The following WDPCP variants were observed in gnomAD, a reference collection of about 807,000 sequenced individuals.
WDPCP encodes the protein WD repeat containing planar cell polarity effector.
In WDPCP, 71 loss-of-function variants were observed where a neutral mutation model predicts 93.1. That is an observed-to-expected ratio of 0.76 (90% confidence interval 0.63 to 0.93). The LOEUF (loss-of-function observed/expected upper bound fraction) is 0.93. Among genes scored for constraint, WDPCP ranks in the 40% least tolerant of loss-of-function variants. WDPCP has a pLI of 0.00. For synonymous variants in WDPCP, 315 were observed against 315.0 expected (o/e 1.00, Z 0.00); for missense variants, 844 against 887.4 (o/e 0.95, Z 0.62).
chr2:63,299,391 G>A (rs1685154770), intron 13 of WDPCP, among the ~76,000 whole-genome samples: 1 of 152,156 alleles, frequency 6.6e-6, no homozygotes, highest in South Asian at 2.1e-4. Flanking sequence ...TACCAGGCCT[G>A]GTTAGGAATT....
intron 1 of WDPCP, among the ~76,000 whole-genome samples, chr2:63,565,959 TC>T (rs1707014193): frequency 6.6e-6 from 1 of 152,206 alleles, no homozygotes; most frequent in African/African-American, 2.4e-5. Context: ...ACCATCATCT[TC>T]TACCTCAACA....
intron 6 of WDPCP, among the ~76,000 whole-genome samples, chr2:63,476,703 T>C (rs992476431): frequency 1.1e-4 from 17 of 152,200 alleles, no homozygotes; most frequent in African/African-American, 4.1e-4. Context: ...GAGTTTTGTA[T>C]AAATAATAAG....
intron 6 of WDPCP, among the ~76,000 whole-genome samples, chr2:63,467,271 G>C (rs1172203338): frequency 1.3e-5 from 2 of 151,496 alleles, no homozygotes; most frequent in African/African-American, 4.9e-5. Context: ...CCTGAGGTCA[G>C]GAGTTTGAGA....
rs531449446 is a variant in WDPCP, at chr2:63,182,774, C to CTTT, written c.1916-7945_1916-7943dup. ...GGCTGTGAATCCATTTGGCCCTGGA[C>CTTT]TTTTTTTTTTTTTTTTTTTCCTTAG... On this transcript the variant is annotated intron_variant, in intron 14 of 17. Coordinates refer to ENST00000272321, the MANE Select transcript of WDPCP (RefSeq NM_015910.7). 7.3e-4 allele frequency among the ~76,000 whole-genome samples: 67 copies of CTTT among 92,250 alleles called. 3 individuals carry two copies. Among genetic ancestry groups the CTTT allele is most frequent in the African/African-American group, 2.5e-3 (62 of 24,440 alleles). 60.5% of individuals were successfully genotyped at this position (92,250 alleles called of 152,430 possible). A position where few individuals can be genotyped will look rare whatever the true frequency, so the allele number is the denominator to read the frequency against.
chr2:63,464,792 T>C (rs1699236255), intron 6 of WDPCP, among the ~76,000 whole-genome samples: 1 of 151,998 alleles, frequency 6.6e-6, no homozygotes, highest in South Asian at 2.1e-4. Flanking sequence ...AACAAAAAGA[T>C]ATATATTGTA....
At chr2:63,319,165 A>AGTCTTTGTCATGAT (rs1418186939) in intron 12 of WDPCP, among the ~76,000 whole-genome samples, 1 of 152,084 alleles carries the variant, frequency 6.6e-6, no homozygotes, top group Non-Finnish European at 1.5e-5. Flanking sequence ...TTGCTTGTGG[A>AGTCTTTGTCATGAT]GTCTTTGTCA....
Position 63,575,445 on chromosome 2 carries a change from A to ATACAGCGTATG in WDPCP, c.75+12751_75+12752insCATACGCTGTA, listed in dbSNP as rs1707938643. 1.6e-4 allele frequency among the ~76,000 whole-genome samples: 2 copies of ATACAGCGTATG among 12,442 alleles called. 1 individual carries two copies. Among genetic ancestry groups the ATACAGCGTATG allele is most frequent in the African/African-American group, 9.0e-4 (2 of 2,216 alleles). The allele number at this position is 12,442 out of a possible 152,430, so 8.2% of individuals were successfully genotyped here. ...TGTATACAGTGTATATACAGTGTAT[A>ATACAGCGTATG]CACTGTATATACAGTATATATGCAG... On this transcript the variant is annotated intron_variant, in intron 1 of 17. Coordinates refer to ENST00000272321, the MANE Select transcript of WDPCP (RefSeq NM_015910.7).
intron 1 of WDPCP, among the ~76,000 whole-genome samples, chr2:63,825,477 G>A (rs762341342): frequency 1.8e-4 from 27 of 151,964 alleles, no homozygotes; most frequent in Non-Finnish European, 3.5e-4. Flanking sequence ...GAAGCACCTC[G>A]AGCCAAAAGA....
chr2:63,571,551 CCTG>C, intron 1 of WDPCP: 1 of 470,826 alleles, frequency 2.1e-6, no homozygotes, highest in Non-Finnish European at 4.4e-6. Context: ...TCAGTTTATG[CCTG>C]CTATGGTCAC....
intron 3 of WDPCP, among the ~76,000 whole-genome samples, chr2:63,631,742 A>G (rs1413989626): frequency 6.6e-6 from 1 of 152,226 alleles, no homozygotes; most frequent in Non-Finnish European, 1.5e-5. Flanking sequence ...CATAGGGGCT[A>G]TCTTTATCAG....
At chr2:63,541,980 A>G (rs896041993) in intron 1 of WDPCP, among the ~76,000 whole-genome samples, 13 of 152,132 alleles carry the variant, frequency 8.5e-5, no homozygotes, top group Non-Finnish European at 1.8e-4. Context: ...ATGTACACAT[A>G]TATGTTTATA....
intron 10 of WDPCP, among the ~76,000 whole-genome samples, chr2:63,393,647 G>C (rs1418346611): frequency 6.6e-6 from 1 of 151,980 alleles, no homozygotes; most frequent in East Asian, 1.9e-4. Flanking sequence ...CAAAGCTGGA[G>C]GCATCACAAC....
At chr2:63,497,944 TAA>T (rs1270365761) in intron 1 of WDPCP, among the ~76,000 whole-genome samples, 2 of 152,162 alleles carry the variant, frequency 1.3e-5, no homozygotes, top group Non-Finnish European at 2.9e-5. Context: ...TCTACCAAAG[TAA>T]GCTGAGCAAT....
At chr2:63,675,935 A>C (rs184557312) in intron 2 of WDPCP, among the ~76,000 whole-genome samples, 12 of 152,362 alleles carry the variant, frequency 7.9e-5, no homozygotes. Context: ...TTAAAACCTT[A>C]TGATCAGATA....
At chr2:63,459,372 G>GT (rs1698851329) in intron 6 of WDPCP, among the ~76,000 whole-genome samples, 1 of 151,252 alleles carries the variant, frequency 6.6e-6, no homozygotes, top group Non-Finnish European at 1.5e-5. Context: ...CATCTCAACA[G>GT]TTAAAAAAAA....
intron 14 of WDPCP, among the ~76,000 whole-genome samples, chr2:63,246,553 A>G (rs116485815): frequency 3.3e-5 from 5 of 152,324 alleles, no homozygotes; most frequent in African/African-American, 1.2e-4. Flanking sequence ...AGTGAGCAGA[A>G]GCATGGGTGC....
At chr2:63,836,847 G>A in the WDPCP span, among the ~76,000 whole-genome samples, 7 of 152,224 alleles carry the variant, frequency 4.6e-5, no homozygotes, top group East Asian at 1.9e-4. Flanking sequence ...AATCTAGAGG[G>A]GAATTATTGA....
chr2:63,593,297 T>C (rs2106601456), upstream of WDPCP: 2 of 232,124 alleles, frequency 8.6e-6, no homozygotes, highest in East Asian at 1.9e-4. Context: ...TTTCTCCATA[T>C]TGGTCAGGCT....
intron 2 of WDPCP, among the ~76,000 whole-genome samples, chr2:63,791,229 A>C (rs549957119): frequency 6.6e-6 from 1 of 152,296 alleles, no homozygotes; most frequent in Admixed American, 6.5e-5. Flanking sequence ...ATATATTGTA[A>C]GTGGAATTTA....
Sources: gnomAD v4.1 joint callset for allele counts (sites outside exome capture counted in the v4.1 genomes callset) on GRCh38, gnomAD v4.1.1 for gene constraint, MANE v1.5 for transcripts, NCBI Gene and HGNC (gene_info 2026-07-23, HGNC 2026-07-21) for gene names.